The following SH3RF3 variants were observed in gnomAD, a reference collection of about 807,000 sequenced individuals.
The protein encoded by SH3RF3 is SH3 domain containing ring finger 3.
A neutral mutation model predicts 66.3 loss-of-function variants in SH3RF3; 29 were observed. The observed-to-expected ratio is 0.44, with a 90% CI of 0.33 to 0.60. SH3RF3 has a LOEUF of 0.60. SH3RF3 is among the 20% of genes least tolerant of loss of function. The pLI, the probability that SH3RF3 is intolerant of heterozygous loss-of-function variation, is 0.04. For missense variants in SH3RF3, 1,194 were observed against 1,190.9 expected (o/e 1.00, Z -0.04); for synonymous variants, 583 against 532.0 (o/e 1.10, Z -1.32).
intron 1 of SH3RF3, among the ~76,000 whole-genome samples, chr2:109,242,390 G>C (rs1415414361): frequency 6.6e-6 from 1 of 152,132 alleles, no homozygotes; most frequent in African/African-American, 2.4e-5. Flanking sequence ...GTCGTGCCTC[G>C]TTGCAGATGG....
intron 7 of SH3RF3, among the ~76,000 whole-genome samples, chr2:109,444,922 CAT>C (rs1382174704): frequency 1.3e-5 from 2 of 151,944 alleles, no homozygotes; most frequent in Non-Finnish European, 1.5e-5. Context: ...GAAGGAATAA[CAT>C]ATACACACAC....
At chr2:109,146,083 TA>T (rs1438406350) in intron 1 of SH3RF3, among the ~76,000 whole-genome samples, 1 of 150,072 alleles carries the variant, frequency 6.7e-6, no homozygotes, top group Admixed American at 6.6e-5. Flanking sequence ...CTGAGAGAGG[TA>T]CCAGCTGAAC....
chr2:109,392,705 T>C (rs957909542), intron 3 of SH3RF3, among the ~76,000 whole-genome samples: 10 of 151,498 alleles, frequency 6.6e-5, no homozygotes, highest in South Asian at 4.2e-4. Context: ...TCAGTAGAGA[T>C]GGGGTTTCAC....
chr2:109,142,541 A>G (rs1367781296), intron 1 of SH3RF3, among the ~76,000 whole-genome samples: 1 of 152,112 alleles, frequency 6.6e-6, no homozygotes, highest in Non-Finnish European at 1.5e-5. Context: ...CCCCAGGGAC[A>G]ACGGGGCACT....
chr2:109,162,308 G>A (rs1346423512), intron 1 of SH3RF3, among the ~76,000 whole-genome samples: 1 of 152,202 alleles, frequency 6.6e-6, no homozygotes, highest in Non-Finnish European at 1.5e-5. Context: ...TGTAAATACA[G>A]CTACTGCGAG....
At chr2:109,455,790 C>T (rs1678038088) in intron 8 of SH3RF3, among the ~76,000 whole-genome samples, 1 of 152,236 alleles carries the variant, frequency 6.6e-6, no homozygotes, top group Non-Finnish European at 1.5e-5. Flanking sequence ...CTCATCCCAG[C>T]TTCTCCAGGT....
intron 8 of SH3RF3, among the ~76,000 whole-genome samples, chr2:109,476,104 G>A (rs926118636): frequency 2.0e-5 from 3 of 152,206 alleles, no homozygotes; most frequent in African/African-American, 7.2e-5. Context: ...CTCAGGTTAA[G>A]TGTTCTTACC....
Position 109,307,421 on chromosome 2 carries a change from C to CT in SH3RF3, c.574-40242dup, listed in dbSNP as rs773967478. ...GGAAGCTTGGAGCAGATAAGATGCA[C>CT]TTTTTTTTTTTATTATTATACTTTA... On this transcript the variant is annotated intron_variant, in intron 1 of 9. Coordinates refer to ENST00000309415, the MANE Select transcript of SH3RF3 (RefSeq NM_001099289.3). 3.3e-3 allele frequency among the ~76,000 whole-genome samples: 404 copies of CT among 123,696 alleles called. 1 individual carries two copies. Among genetic ancestry groups the CT allele is most frequent in the African/African-American group, 0.014 (361 of 25,910 alleles). The allele number at this position is 123,696 out of a possible 152,430, so 81.1% of individuals were successfully genotyped here. A position where few individuals can be genotyped will look rare whatever the true frequency, so the allele number is the denominator to read the frequency against.
At chr2:109,443,873 A>G (rs777344587) in intron 7 of SH3RF3, among the ~76,000 whole-genome samples, 5 of 152,274 alleles carry the variant, frequency 3.3e-5, no homozygotes, top group Non-Finnish European at 7.3e-5. Context: ...CATTAGAACA[A>G]CAGTATAATC....
At chr2:109,353,210 G>A (rs911311356) in intron 2 of SH3RF3, among the ~76,000 whole-genome samples, 4 of 152,214 alleles carry the variant, frequency 2.6e-5, no homozygotes, top group African/African-American at 9.6e-5. Context: ...CTGGCCCCCG[G>A]CTCATTGCCT....
chr2:109,484,812 G>A (rs543115827), intron 8 of SH3RF3, among the ~76,000 whole-genome samples: 5 of 152,174 alleles, frequency 3.3e-5, no homozygotes, highest in Admixed American at 2.6e-4. Context: ...GTTTATTTCT[G>A]TGCTTTCCTG....
At chr2:109,368,717 A>G (rs1683198211) in intron 2 of SH3RF3, among the ~76,000 whole-genome samples, 1 of 150,698 alleles carries the variant, frequency 6.6e-6, no homozygotes, top group Non-Finnish European at 1.5e-5. Flanking sequence ...TTAAAAAAAA[A>G]AAAAAAGAAA....
intron 1 of SH3RF3, among the ~76,000 whole-genome samples, chr2:109,346,345 A>G (rs183035860): frequency 2.0e-5 from 3 of 152,312 alleles, no homozygotes; most frequent in East Asian, 1.9e-4. Flanking sequence ...CCAACATGCT[A>G]TTAAGTCCTC....
intron 1 of SH3RF3, among the ~76,000 whole-genome samples, chr2:109,192,375 C>T (rs1432337564): frequency 1.3e-5 from 2 of 152,174 alleles, no homozygotes; most frequent in East Asian, 3.8e-4. Flanking sequence ...GCATCATTCT[C>T]AAAATGTGGA....
At chr2:109,355,890 C>T (rs548276716) in intron 2 of SH3RF3, among the ~76,000 whole-genome samples, 40 of 152,286 alleles carry the variant, frequency 2.6e-4, no homozygotes, top group African/African-American at 9.4e-4. Context: ...AGCAATGGCT[C>T]CAGGTTTTTG....
At chr2:109,433,863 C>T (rs1422067394) in intron 6 of SH3RF3, among the ~76,000 whole-genome samples, 2 of 152,234 alleles carry the variant, frequency 1.3e-5, no homozygotes, top group East Asian at 3.8e-4. Flanking sequence ...AAGCAAACTG[C>T]AGAGGGGCTT....
chr2:109,367,087 G>A (rs1478374658), intron 2 of SH3RF3, among the ~76,000 whole-genome samples: 1 of 150,192 alleles, frequency 6.7e-6, no homozygotes, highest in East Asian at 1.9e-4. Flanking sequence ...AGAGCAGCTA[G>A]GATTACAGGC....
chr2:109,210,937 G>T, intron 1 of SH3RF3, among the ~76,000 whole-genome samples: 1 of 152,186 alleles, frequency 6.6e-6, no homozygotes. Flanking sequence ...GTCCTTTCCT[G>T]TCAGAGCCTC....
chr2:109,187,670 T>A (rs1240303142), intron 1 of SH3RF3, among the ~76,000 whole-genome samples: 1 of 152,234 alleles, frequency 6.6e-6, no homozygotes, highest in African/African-American at 2.4e-5. Context: ...TACACTCTGA[T>A]GTTCACACAA....
Sources: allele counts gnomAD v4.1 joint callset (sites outside exome capture counted in the v4.1 genomes callset), GRCh38; gene constraint gnomAD v4.1.1; transcripts MANE v1.5; gene names NCBI Gene and HGNC (gene_info 2026-07-23, HGNC 2026-07-21).